Variants in PHLPP1 observed in about 807,000 individuals in gnomAD.
PHLPP1 encodes the protein PH domain and leucine rich repeat protein phosphatase 1.
Under a neutral mutation model 117.2 loss-of-function variants are expected in PHLPP1, and 42 were observed. That is an observed-to-expected ratio of 0.36 (90% CI 0.28 to 0.46). The LOEUF is 0.46. Among genes scored for constraint, PHLPP1 ranks in the 20% least tolerant of loss-of-function variants. The probability of loss-of-function intolerance (pLI) is 1.00; values close to 1 mark genes in which losing one functional copy is unlikely to be tolerated. For synonymous variants in PHLPP1, 1,042 were observed against 970.7 expected (o/e 1.07, Z -1.37); for missense variants, 2,084 against 2,241.9 (o/e 0.93, Z 1.42).
intron 10 of PHLPP1, among the ~76,000 whole-genome samples, chr18:62,935,860 C>T (rs1259192895): frequency 2.0e-5 from 3 of 151,974 alleles, no homozygotes; most frequent in African/African-American, 7.3e-5. Context: ...AAAAATTAGC[C>T]GGGCTGGTGA....
At chr18:62,818,806 A>T (rs1473382889) in intron 1 of PHLPP1, among the ~76,000 whole-genome samples, 1 of 152,210 alleles carries the variant, frequency 6.6e-6, no homozygotes, top group Non-Finnish European at 1.5e-5. Flanking sequence ...GGGGGAGGTT[A>T]TAACCACTGG....
chr18:62,805,507 G>GC (rs924432840), intron 1 of PHLPP1, among the ~76,000 whole-genome samples: 3 of 151,954 alleles, frequency 2.0e-5, no homozygotes, highest in Admixed American at 6.6e-5. Flanking sequence ...ACAAGCATGC[G>GC]CCCCACACCT....
chr18:62,969,997 T>C (rs1288447303), intron 14 of PHLPP1, among the ~76,000 whole-genome samples: 1 of 152,318 alleles, frequency 6.6e-6, no homozygotes, highest in African/African-American at 2.4e-5. Context: ...TCCACCTTAC[T>C]ATTGTTTTCT....
chr18:62,952,667 C>T (rs957463745), intron 12 of PHLPP1, among the ~76,000 whole-genome samples: 4 of 152,126 alleles, frequency 2.6e-5, no homozygotes, highest in African/African-American at 7.2e-5. Context: ...TGCTCTGTTG[C>T]GCATGCCGGA....
intron 6 of PHLPP1, among the ~76,000 whole-genome samples, chr18:62,897,626 C>T (rs1484589228): frequency 6.6e-6 from 1 of 152,212 alleles, no homozygotes; most frequent in East Asian, 1.9e-4. Flanking sequence ...CCTCCCTCAA[C>T]CTCCCGAGTA....
rs1251781945 is a variant in PHLPP1 at position 62,905,208 on chromosome 18, T to A, written c.2648-16T>A. 9.9e-6 allele frequency: 15 copies of A among 1,509,786 alleles called. No homozygotes were observed. Among genetic ancestry groups the A allele is most frequent in the Admixed American group, 2.2e-5 (1 of 45,446 alleles). 93.5% of individuals were successfully genotyped at this position (1,509,786 alleles called of 1,614,324 possible). A position where few individuals can be genotyped will look rare whatever the true frequency, so the allele number is the denominator to read the frequency against. The stretch of plus-strand genomic sequence containing the variant: ...GTATAGTAATGTCTTTGTGGGGTTT[T>A]TTTTTTTCTTCCTAGAACTTGTTCA... On this transcript the variant is annotated splice_polypyrimidine_tract_variant and intron_variant, in intron 7 of 16. Transcript: ENST00000262719.
intron 6 of PHLPP1, among the ~76,000 whole-genome samples, chr18:62,899,531 C>T (rs1400351192): frequency 6.6e-6 from 1 of 152,346 alleles, no homozygotes; most frequent in East Asian, 1.9e-4. Context: ...AAACCATTCT[C>T]TACATTTTAT....
chr18:62,836,250 A>G (rs1914892574), intron 2 of PHLPP1, among the ~76,000 whole-genome samples: 1 of 151,286 alleles, frequency 6.6e-6, no homozygotes, highest in South Asian at 2.1e-4. Context: ...ACTGGCCAAG[A>G]TGGTGAAACC....
intron 4 of PHLPP1, among the ~76,000 whole-genome samples, chr18:62,892,041 C>CATTG (rs1916430938): frequency 6.8e-6 from 1 of 146,696 alleles, no homozygotes; most frequent in African/African-American, 2.5e-5. Flanking sequence ...AGAAAAGTGT[C>CATTG]ATTGTTTTCT....
chr18:62,895,679 C>A, intron 5 of PHLPP1, 102 bp from the exon 6 acceptor site: 1 of 761,760 alleles, frequency 1.3e-6, no homozygotes, highest in Admixed American at 2.4e-5. Flanking sequence ...AAGAATAATA[C>A]ATTTTCTGGT....
intron 10 of PHLPP1, among the ~76,000 whole-genome samples, chr18:62,933,633 T>TA (rs891094017): frequency 6.6e-6 from 1 of 152,110 alleles, no homozygotes; most frequent in African/African-American, 2.4e-5. Context: ...AAAACTTAAA[T>TA]ATAATACCTC....
intron 1 of PHLPP1, among the ~76,000 whole-genome samples, chr18:62,750,350 TCTCTCTCTCTGTCTCTCCCTGCTCTCC>T (rs1461244771): frequency 1.3e-5 from 2 of 152,124 alleles, no homozygotes; most frequent in African/African-American, 4.8e-5. Flanking sequence ...TAATAATCTC[TCTCTCTCTCTGTCTCTCCCTGCTCTCC>T]CTCTCTCTCC....
chr18:62,733,993 C>CTAA (rs1263646576), intron 1 of PHLPP1, among the ~76,000 whole-genome samples: 2 of 152,090 alleles, frequency 1.3e-5, no homozygotes, highest in African/African-American at 4.8e-5. Flanking sequence ...TTGTGAGGAT[C>CTAA]TAAATTCTGG....
At chr18:62,823,461 G>C (rs1265169696) in intron 1 of PHLPP1, among the ~76,000 whole-genome samples, 2 of 151,908 alleles carry the variant, frequency 1.3e-5, no homozygotes, top group Non-Finnish European at 2.9e-5. Context: ...CTATTCAGGA[G>C]GCTTGAGGAG....
rs759804178 is a variant in PHLPP1 at position 62,978,652 on chromosome 18, C to G, written c.4375C>G (p.Arg1459Gly). 4 of 1,613,746 alleles carry G rather than the reference C, an allele frequency of 2.5e-6. No homozygotes were observed. Among genetic ancestry groups the G allele is most frequent in the Non-Finnish European group, 3.4e-6 (4 of 1,179,820 alleles). Residue 1459 changes from arginine to glycine, a missense_variant, in exon 17 of 17, where the codon CGG (arginine) becomes GGG (glycine). By Grantham distance (125) the Arg-to-Gly change is moderately radical. Coordinates refer to ENST00000262719, the MANE Select transcript of PHLPP1 (RefSeq NM_194449.4). This position sits in a 1 kb window ranked among gnomAD's most constrained non-coding sequence, Gnocchi z 7.0. ...CTCAGTGAACATGGTGATCAAGGAT[C>G]GGCCCTCAGATGGGCTGGGCGTGCC... is the stretch of plus-strand genomic sequence containing the variant. ...PPSVNMVIKD[R>G]PSDGLGVPSS...
At chr18:62,888,473 G>A (rs545990143) in intron 4 of PHLPP1, among the ~76,000 whole-genome samples, 1 of 152,236 alleles carries the variant, frequency 6.6e-6, no homozygotes, top group East Asian at 1.9e-4. Context: ...GGCTGAGGCA[G>A]GTAGACTGCT....
At chr18:62,789,975 G>A (rs1326558175) in intron 1 of PHLPP1, among the ~76,000 whole-genome samples, 2 of 152,096 alleles carry the variant, frequency 1.3e-5, no homozygotes, top group Admixed American at 6.5e-5. Flanking sequence ...TTATTTTCCA[G>A]CTAATTTTTA....
At chr18:62,809,889 G>T (rs1488229369) in intron 1 of PHLPP1, among the ~76,000 whole-genome samples, 1 of 152,120 alleles carries the variant, frequency 6.6e-6, no homozygotes, top group African/African-American at 2.4e-5. Context: ...TAACATTTTA[G>T]TTCACTTTCC....
chr18:62,814,609 C>G (rs1479118877), intron 1 of PHLPP1, among the ~76,000 whole-genome samples: 1 of 152,200 alleles, frequency 6.6e-6, no homozygotes, highest in Non-Finnish European at 1.5e-5. Flanking sequence ...AGTGTTTTCA[C>G]TCATTCGACC....
Sources: allele counts gnomAD v4.1 joint callset (sites outside exome capture counted in the v4.1 genomes callset), GRCh38; gene constraint gnomAD v4.1.1; non-coding constraint Gnocchi (gnomAD v3.1); transcripts MANE v1.5; gene names NCBI Gene and HGNC (gene_info 2026-07-23, HGNC 2026-07-21).